Variants in ST18 observed in about 807,000 individuals in gnomAD.
The protein encoded by ST18 is suppression of tumorigenicity 18 protein.
In ST18, 50 loss-of-function variants were observed where a neutral mutation model predicts 110.0. That is an observed-to-expected ratio of 0.45 (90% confidence interval 0.36 to 0.58). ST18 has a LOEUF of 0.58. ST18 is among the 20% of genes least tolerant of loss of function. The pLI, the probability that ST18 is intolerant of heterozygous loss-of-function variation, is 0.00. For missense variants in ST18, 1,306 were observed against 1,280.1 expected, an observed-to-expected ratio of 1.02 and a Z score of -0.31; for synonymous variants, 461 against 452.4, an observed-to-expected ratio of 1.02 and a Z score of -0.24.
intron 2 of ST18, among the ~76,000 whole-genome samples, chr8:52,256,603 C>G (rs1277692774): frequency 6.6e-6 from 1 of 152,152 alleles, no homozygotes; most frequent in African/African-American, 2.4e-5. Flanking sequence ...CTATACTGAG[C>G]TATCAGCAAT....
intron 9 of ST18, among the ~76,000 whole-genome samples, chr8:52,179,650 T>C (rs573301482): frequency 1.3e-5 from 2 of 151,884 alleles, no homozygotes; most frequent in East Asian, 3.9e-4. Context: ...TACATGTTGA[T>C]AAAAAAAATT....
chr8:52,171,270 C>T (rs1398570030), intron 10 of ST18, among the ~76,000 whole-genome samples: 1 of 152,194 alleles, frequency 6.6e-6, no homozygotes, highest in East Asian at 1.9e-4. Context: ...CAAAGCACAC[C>T]TACTCTCTCA....
chr8:52,265,096 G>C (rs2094823872), intron 2 of ST18, among the ~76,000 whole-genome samples: 1 of 152,184 alleles, frequency 6.6e-6, no homozygotes, highest in South Asian at 2.1e-4. Flanking sequence ...TGGGACTAAT[G>C]ATGGAAGGTA....
chr8:52,343,410 G>A (rs1386864645), intron 2 of ST18, among the ~76,000 whole-genome samples: 1 of 152,114 alleles, frequency 6.6e-6, no homozygotes, highest in African/African-American at 2.4e-5. Context: ...AGCTGGAAAC[G>A]ATGTCCTTGA....
chr8:52,369,597 C>T (rs6473722), intron 2 of ST18, among the ~76,000 whole-genome samples: 149,889 of 152,322 alleles, frequency 0.98, 73,793 homozygotes, highest in Middle Eastern at 1. Flanking sequence ...AAATCTCCAT[C>T]ACAGATGCCA....
chr8:52,183,923 G>T (rs1389181168), intron 8 of ST18, among the ~76,000 whole-genome samples: 5 of 152,086 alleles, frequency 3.3e-5, no homozygotes, highest in Non-Finnish European at 7.4e-5. Context: ...AATACCCACG[G>T]CCCAGGCAGC....
chr8:52,291,052 A>G (rs147958702), intron 2 of ST18, among the ~76,000 whole-genome samples: 17 of 152,148 alleles, frequency 1.1e-4, no homozygotes, highest in African/African-American at 3.9e-4. Context: ...TCTGTTCATC[A>G]GGGCGCCCCA....
chr8:52,240,101 T>C (rs1336583741), intron 2 of ST18, among the ~76,000 whole-genome samples: 1 of 152,110 alleles, frequency 6.6e-6, no homozygotes, highest in African/African-American at 2.4e-5. Flanking sequence ...GCCTCCATTT[T>C]CCCTTTAGCC....
chr8:52,136,776 A>C (rs2052574382), intron 18 of ST18, 118 bp from the exon 19 acceptor site: 6 of 864,144 alleles, frequency 6.9e-6, no homozygotes, highest in Middle Eastern at 2.2e-4. Context: ...TTGGGAAAAA[A>C]AAATAACTGG....
intron 2 of ST18, among the ~76,000 whole-genome samples, chr8:52,386,743 T>C (rs1836942342): frequency 6.6e-6 from 1 of 152,152 alleles, no homozygotes; most frequent in Admixed American, 6.5e-5. Context: ...TTAGTGGAGT[T>C]TGTGTCAGGG....
At chr8:52,129,783 GCCTGTAATT>G (rs1223429390) in intron 22 of ST18, among the ~76,000 whole-genome samples, 1 of 152,060 alleles carries the variant, frequency 6.6e-6, no homozygotes, top group African/African-American at 2.4e-5. Flanking sequence ...GGTGGCCCAT[GCCTGTAATT>G]CCAGCACTTT....
At chr8:52,343,594 GA>G (rs1816257874) in intron 2 of ST18, among the ~76,000 whole-genome samples, 1 of 152,132 alleles carries the variant, frequency 6.6e-6, no homozygotes, top group South Asian at 2.1e-4. Flanking sequence ...GACCATAAAG[GA>G]CAGAGCAGCT....
intron 5 of ST18, among the ~76,000 whole-genome samples, chr8:52,219,033 A>G (rs1479718357): frequency 1.3e-5 from 2 of 152,310 alleles, no homozygotes; most frequent in Middle Eastern, 3.4e-3. Flanking sequence ...CCAGACCACC[A>G]AACAACTAGA....
intron 2 of ST18, among the ~76,000 whole-genome samples, chr8:52,279,096 G>A (rs765295898): frequency 9.2e-5 from 14 of 151,986 alleles, no homozygotes; most frequent in African/African-American, 1.9e-4. Flanking sequence ...CAGCAGTGTC[G>A]GACCCATAAA....
At chr8:52,289,468 AAAC>A (rs944523972) in intron 2 of ST18, among the ~76,000 whole-genome samples, 12 of 152,090 alleles carry the variant, frequency 7.9e-5, no homozygotes, top group East Asian at 5.8e-4. Context: ...AAAAAACAAA[AAAC>A]AACAACAACC....
intron 9 of ST18, 44 bp downstream of exon 9, chr8:52,180,078 T>C: frequency 6.3e-7 from 1 of 1,598,690 alleles, no homozygotes; most frequent in Non-Finnish European, 8.6e-7. Flanking sequence ...ACAGAGTCCT[T>C]GGAGCCAGGG....
intron 17 of ST18, chr8:52,137,724 C>A: frequency 2.2e-6 from 1 of 446,154 alleles, no homozygotes. Flanking sequence ...ACATCACATT[C>A]GATTATTTGA....
chr8:52,382,944 C>T (rs940363809), intron 2 of ST18, among the ~76,000 whole-genome samples: 14 of 152,090 alleles, frequency 9.2e-5, no homozygotes, highest in African/African-American at 3.4e-4. Context: ...GCAAATGTGC[C>T]ACGAGGATTG....
At chr8:52,198,214 C>T (rs1489935016) in intron 8 of ST18, among the ~76,000 whole-genome samples, 2 of 152,100 alleles carry the variant, frequency 1.3e-5, no homozygotes, top group Non-Finnish European at 2.9e-5. Context: ...ACCATACTGA[C>T]CAGGCTGGTC....
Sources: allele counts gnomAD v4.1 joint callset (sites outside exome capture counted in the v4.1 genomes callset), GRCh38; gene constraint gnomAD v4.1.1; transcripts MANE v1.5; gene names NCBI Gene and HGNC (gene_info 2026-07-23, HGNC 2026-07-21).